RNGTT: variants seen among roughly 807,000 people sequenced by gnomAD.
The protein encoded by RNGTT is mRNA-capping enzyme.
RNGTT carries 33 observed loss-of-function variants against 79.3 expected under a neutral mutation model. The ratio of observed to expected loss-of-function variants is 0.42; its 90% CI spans 0.32 to 0.56. The LOEUF (loss-of-function observed/expected upper bound fraction) is 0.56, where lower values mean the gene tolerates loss of function less well. Among genes scored for constraint, RNGTT ranks in the 20% least tolerant of loss-of-function variants. The probability of loss-of-function intolerance (pLI) is 0.17; values close to 1 mark genes in which losing one functional copy is unlikely to be tolerated. For synonymous variants in RNGTT, 222 were observed against 235.9 expected (o/e 0.94, Z 0.54); for missense variants, 497 against 739.1 (o/e 0.67, Z 3.80).
intron 10 of RNGTT, among the ~76,000 whole-genome samples, chr6:88,845,105 A>C (rs556087842): frequency 6.6e-6 from 1 of 151,706 alleles, no homozygotes; most frequent in African/African-American, 2.4e-5. Context: ...CAGTATAAAA[A>C]CTAAAATCCA....
intron 13 of RNGTT, among the ~76,000 whole-genome samples, chr6:88,679,887 A>C (rs943842074): frequency 2.0e-5 from 3 of 152,204 alleles, no homozygotes; most frequent in African/African-American, 7.2e-5. Flanking sequence ...ATTACACATA[A>C]AGAAGAAGAA....
chr6:88,931,512 T>C (rs578160627), intron 2 of RNGTT, among the ~76,000 whole-genome samples: 1 of 152,322 alleles, frequency 6.6e-6, no homozygotes, highest in Admixed American at 6.5e-5. Context: ...TAAGTGAACG[T>C]ATTGTCTATT....
chr6:88,728,353 A>C (rs1362035981), intron 13 of RNGTT, among the ~76,000 whole-genome samples: 1 of 152,238 alleles, frequency 6.6e-6, no homozygotes, highest in Non-Finnish European at 1.5e-5. Flanking sequence ...TGGGCATTAG[A>C]GAATTGGGAC....
rs57548721 is a variant in RNGTT at position 88,880,176 on chromosome 6, CTGAATGAATGAATGAATGAA to C, written c.896+10299_896+10318del. ...GGTAAATAAGTTTCCAATATAATTT[CTGAATGAATGAATGAATGAA>C]TGAATGAATGAATGAATGAAAGGAA... is the stretch of plus-strand genomic sequence containing the variant. On this transcript the variant is annotated intron_variant, in intron 8 of 15. Coordinates refer to ENST00000369485, the MANE Select transcript of RNGTT (RefSeq NM_003800.5). 1.8e-3 allele frequency among the ~76,000 whole-genome samples: 276 copies of C among 149,578 alleles called. 1 individual carries two copies. Among genetic ancestry groups the C allele is most frequent in the African/African-American group, 2.4e-3 (99 of 40,516 alleles).
rs559915447 is a variant in RNGTT, at chr6:88,814,780, T to C, written c.1270-13148A>G. ...TCTGGATGTCATGAGGGAGAAAAAG[T>C]AGAGAGATTTAAAAAAAAGGAAAAG... On this transcript the variant is annotated intron_variant, in intron 11 of 15. Transcript: ENST00000369485. Among the ~76,000 whole-genome samples, 22 of 151,896 alleles carry C rather than the reference T, an allele frequency of 1.4e-4. 1 individual carries two copies. The South Asian group carries it at 4.6e-3, about 32-fold the overall frequency.
chr6:88,762,014 C>G (rs922772842), intron 13 of RNGTT, among the ~76,000 whole-genome samples: 7 of 151,550 alleles, frequency 4.6e-5, no homozygotes, highest in African/African-American at 1.5e-4. Context: ...AGAAAGAACA[C>G]CCAGACCACT....
intron 14 of RNGTT, among the ~76,000 whole-genome samples, chr6:88,639,629 A>G (rs1234200199): frequency 1.3e-5 from 2 of 152,174 alleles, no homozygotes; most frequent in African/African-American, 2.4e-5. Flanking sequence ...ATTTGTATAC[A>G]TATCTCCTTG....
At chr6:88,809,687 T>C (rs547548580) in intron 11 of RNGTT, among the ~76,000 whole-genome samples, 2 of 152,240 alleles carry the variant, frequency 1.3e-5, no homozygotes, top group Non-Finnish European at 2.9e-5. Flanking sequence ...ACAGAGTAGA[T>C]TAATGTTTGA....
intron 14 of RNGTT, among the ~76,000 whole-genome samples, chr6:88,633,782 G>A (rs865857316): frequency 2.5e-4 from 38 of 152,242 alleles, no homozygotes; most frequent in Middle Eastern, 3.4e-3. Flanking sequence ...TGGATCAACT[G>A]CACGTTTTTG....
intron 14 of RNGTT, among the ~76,000 whole-genome samples, chr6:88,652,755 G>A (rs941159653): frequency 2.6e-5 from 4 of 152,148 alleles, no homozygotes; most frequent in African/African-American, 9.7e-5. Context: ...ACCAAAACAA[G>A]CGCAGGTCTG....
At chr6:88,683,964 A>C (rs1775183334) in intron 13 of RNGTT, among the ~76,000 whole-genome samples, 2 of 152,178 alleles carry the variant, frequency 1.3e-5, no homozygotes, top group African/African-American at 2.4e-5. Flanking sequence ...ACAGTGAGTC[A>C]TGAATGCACC....
At chr6:88,829,183 G>C (rs886531904) in intron 11 of RNGTT, among the ~76,000 whole-genome samples, 1 of 152,204 alleles carries the variant, frequency 6.6e-6, no homozygotes, top group Non-Finnish European at 1.5e-5. Flanking sequence ...ACTAACAGCA[G>C]ATCTCTTTGC....
chr6:88,642,124 C>T (rs1190744791), intron 14 of RNGTT, among the ~76,000 whole-genome samples: 1 of 152,088 alleles, frequency 6.6e-6, no homozygotes, highest in African/African-American at 2.4e-5. Context: ...CCTTTAGGCT[C>T]ACAGGTCAAA....
At chr6:88,943,440 T>G (rs1189528830) in intron 1 of RNGTT, among the ~76,000 whole-genome samples, 1 of 152,142 alleles carries the variant, frequency 6.6e-6, no homozygotes, top group Non-Finnish European at 1.5e-5. Context: ...TCTGACCACT[T>G]CTCACCACCT....
intron 8 of RNGTT, among the ~76,000 whole-genome samples, chr6:88,871,084 A>T (rs1247761526): frequency 6.6e-6 from 1 of 152,208 alleles, no homozygotes; most frequent in Non-Finnish European, 1.5e-5. Context: ...TTTTGCTCCA[A>T]AGAAAATGTA....
intron 12 of RNGTT, among the ~76,000 whole-genome samples, chr6:88,773,359 T>G (rs1778761104): frequency 6.9e-6 from 1 of 144,886 alleles, no homozygotes; most frequent in African/African-American, 2.5e-5. Flanking sequence ...TCGGGAGATA[T>G]ACCTAATGCT....
intron 2 of RNGTT, among the ~76,000 whole-genome samples, chr6:88,936,607 G>A (rs912769958): frequency 6.6e-6 from 1 of 152,164 alleles, no homozygotes; most frequent in African/African-American, 2.4e-5. Flanking sequence ...CTTATCAAAT[G>A]CTTTGTCTGA....
At chr6:88,614,974 A>G (rs1772165331) in intron 14 of RNGTT, among the ~76,000 whole-genome samples, 1 of 152,248 alleles carries the variant, frequency 6.6e-6, no homozygotes, top group Admixed American at 6.5e-5. Context: ...AAACTAGTAC[A>G]AATTTACAGA....
chr6:88,771,085 C>G (rs1196071880), intron 12 of RNGTT, among the ~76,000 whole-genome samples: 1 of 151,406 alleles, frequency 6.6e-6, no homozygotes, highest in Admixed American at 6.6e-5. Context: ...CTTTTGAAGA[C>G]CAAAGTTCTT....
Sources: gnomAD v4.1 joint callset for allele counts (sites outside exome capture counted in the v4.1 genomes callset) on GRCh38, gnomAD v4.1.1 for gene constraint, MANE v1.5 for transcripts, NCBI Gene and HGNC (gene_info 2026-07-23, HGNC 2026-07-21) for gene names.